The following COL5A2 variants were observed in gnomAD, a reference collection of about 807,000 sequenced individuals.
COL5A2 encodes collagen alpha-2(V) chain.
Under a neutral mutation model 208.2 loss-of-function variants are expected in COL5A2, and 23 were observed. That is an observed-to-expected ratio of 0.11 (90% CI 0.08 to 0.16). The LOEUF is 0.16. Among genes scored for constraint, COL5A2 ranks in the 10% least tolerant of loss-of-function variants. The pLI is 1.00. For synonymous variants in COL5A2, 625 were observed against 628.5 expected, an observed-to-expected ratio of 0.99 and a Z score of 0.08; for missense variants, 1,590 against 1,956.4, an observed-to-expected ratio of 0.81 and a Z score of 3.53.
chr2:189,085,490 A>G (rs1686636460), intron 10 of COL5A2, among the ~76,000 whole-genome samples: 1 of 152,188 alleles, frequency 6.6e-6, no homozygotes, highest in South Asian at 2.1e-4. Context: ...TATTCTTTGA[A>G]TTTTTAAATT....
chr2:189,341,039 T>A, the COL5A2 span, among the ~76,000 whole-genome samples: 1 of 152,284 alleles, frequency 6.6e-6, no homozygotes, highest in African/African-American at 2.4e-5. Context: ...ACTACTTTGG[T>A]GTAAAATAAG....
chr2:189,288,386 T>C, the COL5A2 span, among the ~76,000 whole-genome samples: 1 of 152,192 alleles, frequency 6.6e-6, no homozygotes, highest in Admixed American at 6.5e-5. Context: ...TATGATTGTA[T>C]AGCTTTAAAA....
At chr2:189,152,468 C>T (rs569226670) in intron 1 of COL5A2, among the ~76,000 whole-genome samples, 2 of 152,288 alleles carry the variant, frequency 1.3e-5, no homozygotes, top group Non-Finnish European at 2.9e-5. Context: ...AGCCAACACA[C>T]AATGTAGCTC....
chr2:189,060,825 G>A, intron 30 of COL5A2, 42 bp from the exon 31 acceptor site: 1 of 1,432,278 alleles, frequency 7.0e-7, no homozygotes, highest in East Asian at 2.3e-5. Flanking sequence ...ATCTGTGTAA[G>A]TTTAACAGGC....
At chr2:189,401,558 T>C in the COL5A2 span, among the ~76,000 whole-genome samples, 1 of 152,300 alleles carries the variant, frequency 6.6e-6, no homozygotes, top group South Asian at 2.1e-4. Context: ...TAGAATGATT[T>C]GTATCTCATT....
At chr2:189,301,673 C>T in the COL5A2 span, among the ~76,000 whole-genome samples, 1 of 152,008 alleles carries the variant, frequency 6.6e-6, no homozygotes. Flanking sequence ...ATGAACTTCA[C>T]CAGAGATTCA....
chr2:189,060,850 GT>G, intron 30 of COL5A2, 67 bp from the exon 31 acceptor site: 1 of 1,185,016 alleles, frequency 8.4e-7, no homozygotes, highest in Non-Finnish European at 1.3e-6. Context: ...AGTGTTAACA[GT>G]TTACCTTTTA....
chr2:189,066,676 A>G, intron 22 of COL5A2, 53 bp downstream of exon 22: 8 of 1,459,524 alleles, frequency 5.5e-6, no homozygotes, highest in Non-Finnish European at 7.7e-6. Context: ...TTTGAGCTGT[A>G]CACTTCCAGA....
intron 1 of COL5A2, among the ~76,000 whole-genome samples, chr2:189,117,253 T>C (rs1687409956): frequency 6.6e-6 from 1 of 152,150 alleles, no homozygotes; most frequent in Non-Finnish European, 1.5e-5. Flanking sequence ...CTAATGCATT[T>C]GACATAGATT....
chr2:189,285,478 A>G, the COL5A2 span, among the ~76,000 whole-genome samples: 2 of 152,138 alleles, frequency 1.3e-5, no homozygotes, highest in Non-Finnish European at 2.9e-5. Context: ...GTATTATTTC[A>G]TTGGGTGCTC....
At chr2:189,281,362 G>A in the COL5A2 span, among the ~76,000 whole-genome samples, 1 of 152,106 alleles carries the variant, frequency 6.6e-6, no homozygotes, top group Non-Finnish European at 1.5e-5. Context: ...ACCCAAAAAT[G>A]CCACATGGTT....
chr2:189,047,508 T>A (rs1685695844), intron 45 of COL5A2, among the ~76,000 whole-genome samples: 1 of 152,236 alleles, frequency 6.6e-6, no homozygotes. Context: ...ATTAATTATA[T>A]TTAAAGCATT....
chr2:189,277,252 A>T, the COL5A2 span, among the ~76,000 whole-genome samples: 1 of 152,148 alleles, frequency 6.6e-6, no homozygotes, highest in Non-Finnish European at 1.5e-5. Flanking sequence ...AAGCCCTCTG[A>T]CCATAGGTCT....
Position 189,057,040 on chromosome 2 carries a change from C to A in COL5A2, c.2338-14G>T. 3 of 1,612,416 alleles carry A rather than the reference C, an allele frequency of 1.9e-6. No individual in the cohort carries two copies. The highest frequency in any genetic ancestry group is 2.5e-6 in the Non-Finnish European group (3 of 1,178,478). ...TCCTATGCCACCCTGGGAAAACACA[C>A]AAAATACAATTGATTCATTTAATTG... On this transcript the variant is annotated splice_polypyrimidine_tract_variant and intron_variant, in intron 34 of 53. Coordinates refer to ENST00000374866, the MANE Select transcript of COL5A2 (RefSeq NM_000393.5).
At chr2:189,141,938 G>T (rs754704103) in intron 1 of COL5A2, among the ~76,000 whole-genome samples, 1 of 152,066 alleles carries the variant, frequency 6.6e-6, no homozygotes, top group Non-Finnish European at 1.5e-5. Flanking sequence ...TATTTAAGAT[G>T]TTTTATGGAT....
intron 9 of COL5A2, among the ~76,000 whole-genome samples, chr2:189,086,131 C>T (rs1330119469): frequency 6.6e-6 from 1 of 152,210 alleles, no homozygotes; most frequent in East Asian, 1.9e-4. Flanking sequence ...TGAAGTAAAA[C>T]TCCACACACA....
chr2:189,184,043 C>T (rs1688816296), upstream of COL5A2, among the ~76,000 whole-genome samples: 1 of 152,244 alleles, frequency 6.6e-6, no homozygotes, highest in South Asian at 2.1e-4. Context: ...ACAACACAGA[C>T]AAGGTCCCTG....
At chr2:189,078,701 T>A in intron 15 of COL5A2, 132 bp from the exon 16 acceptor site, 1 of 831,906 alleles carries the variant, frequency 1.2e-6, no homozygotes, top group African/African-American at 1.7e-5. Context: ...AGGGGCAATG[T>A]TGGGTTTGAA....
At chr2:189,330,273 G>A in the COL5A2 span, among the ~76,000 whole-genome samples, 5 of 152,180 alleles carry the variant, frequency 3.3e-5, no homozygotes, top group East Asian at 1.9e-4. Flanking sequence ...TCTGAGCCAC[G>A]CTGGGCCATC....
Sources: allele counts gnomAD v4.1 joint callset (sites outside exome capture counted in the v4.1 genomes callset), GRCh38; gene constraint gnomAD v4.1.1; transcripts MANE v1.5; gene names NCBI Gene and HGNC (gene_info 2026-07-23, HGNC 2026-07-21).